Variants in STRBP observed in about 807,000 individuals in gnomAD.
The protein encoded by STRBP is spermatid perinuclear RNA binding protein, also known as spermatid perinuclear RNA-binding protein.
STRBP carries 13 observed loss-of-function variants against 80.1 expected under a neutral mutation model. The observed-to-expected ratio is 0.16, with a 90% CI of 0.11 to 0.26. STRBP has a LOEUF of 0.26. STRBP is among the 10% of genes least tolerant of loss of function. The pLI, the probability that STRBP is intolerant of heterozygous loss-of-function variation, is 1.00. For missense variants in STRBP, 485 were observed against 815.2 expected (o/e 0.59, Z 4.93); for synonymous variants, 284 against 291.2 (o/e 0.98, Z 0.25).
intron 4 of STRBP, among the ~76,000 whole-genome samples, chr9:123,177,647 A>C (rs969889772): frequency 2.6e-5 from 4 of 152,206 alleles, no homozygotes; most frequent in African/African-American, 9.7e-5. Context: ...TAAATCACAG[A>C]CCTCATCCAG....
At chr9:123,120,565 A>G (rs995967715), downstream of STRBP, among the ~76,000 whole-genome samples, 3 of 150,286 alleles carry the variant, frequency 2.0e-5, no homozygotes, top group Non-Finnish European at 4.4e-5. Context: ...ACTGCTGAAG[A>G]TTTCCCTCCA....
At chr9:123,195,897 A>G (rs1279276519) in intron 2 of STRBP, among the ~76,000 whole-genome samples, 2 of 152,230 alleles carry the variant, frequency 1.3e-5, no homozygotes, top group Admixed American at 6.5e-5. Context: ...AGCCAAAACT[A>G]TCGTGAGTAA....
intron 5 of STRBP, 56 bp from the exon 6 acceptor site, chr9:123,170,102 G>GAAA: frequency 1.4e-6 from 2 of 1,467,684 alleles, no homozygotes; most frequent in South Asian, 1.3e-5. Context: ...AACCTCAAAA[G>GAAA]AAAAAAAAAC....
chr9:123,223,787 T>C (rs571622057), intron 2 of STRBP, among the ~76,000 whole-genome samples: 1 of 152,308 alleles, frequency 6.6e-6, no homozygotes, highest in Non-Finnish European at 1.5e-5. Flanking sequence ...TTAGTATTTA[T>C]TTATATTCAT....
chr9:123,232,567 G>C (rs1276596500), intron 2 of STRBP, among the ~76,000 whole-genome samples: 1 of 152,102 alleles, frequency 6.6e-6, no homozygotes, highest in Admixed American at 6.6e-5. Context: ...GCTGAACCAG[G>C]GTGGGGCCAG....
In STRBP at chr9:123,184,314, A is replaced by G. The variant is rs2038610747; in HGVS notation, c.-164-16T>C. The stretch of plus-strand genomic sequence containing the variant: ...TGGAACACACCTGCAAGAGAAGAGG[A>G]AAACAACTTCAAAAATGCTTATTTA... On this transcript the variant is annotated splice_polypyrimidine_tract_variant and intron_variant, in intron 2 of 18. Transcript: ENST00000348403. 1 of 478,906 alleles carries G rather than the reference A, an allele frequency of 2.1e-6. No individual in the cohort carries two copies. The highest frequency in any genetic ancestry group is 3.7e-6 in the Non-Finnish European group (1 of 270,982). 29.7% of individuals were successfully genotyped at this position (478,906 alleles called of 1,614,324 possible).
At chr9:123,250,524 G>GA (rs1554772822) in intron 1 of STRBP, among the ~76,000 whole-genome samples, 13 of 151,808 alleles carry the variant, frequency 8.6e-5, no homozygotes, top group African/African-American at 3.1e-4. Context: ...AAAAAAAAAA[G>GA]TTTTTTTTGA....
intron 2 of STRBP, among the ~76,000 whole-genome samples, chr9:123,209,658 G>A (rs749158773): frequency 6.6e-6 from 1 of 152,194 alleles, no homozygotes; most frequent in Non-Finnish European, 1.5e-5. Context: ...GCTGATGAGG[G>A]AGGTTTCCAG....
At chr9:123,184,520 A>T (rs953332790) in intron 2 of STRBP, among the ~76,000 whole-genome samples, 3 of 152,236 alleles carry the variant, frequency 2.0e-5, no homozygotes, top group Admixed American at 6.5e-5. Context: ...ACAATGTGGC[A>T]GCTGGCTGAC....
At chr9:123,144,689 T>A (rs1233727379) in intron 13 of STRBP, among the ~76,000 whole-genome samples, 1 of 152,164 alleles carries the variant, frequency 6.6e-6, no homozygotes, top group African/African-American at 2.4e-5. Flanking sequence ...ACACACATTA[T>A]ACATTTATAA....
chr9:123,241,221 A>G (rs1013155748), intron 1 of STRBP, among the ~76,000 whole-genome samples: 3 of 151,768 alleles, frequency 2.0e-5, no homozygotes, highest in African/African-American at 2.4e-5. Context: ...AGGACTATCA[A>G]CTGGGCACAG....
intron 2 of STRBP, among the ~76,000 whole-genome samples, 151 bp downstream of exon 2, chr9:123,236,679 T>C (rs2040573356): frequency 6.6e-6 from 1 of 151,654 alleles, no homozygotes; most frequent in Non-Finnish European, 1.5e-5. Flanking sequence ...AAAAAGTGTG[T>C]CATACAAACT....
intron 1 of STRBP, among the ~76,000 whole-genome samples, chr9:123,242,872 G>C (rs901214607): frequency 6.6e-6 from 1 of 151,982 alleles, no homozygotes; most frequent in African/African-American, 2.4e-5. Context: ...AAATCCAATG[G>C]TAGAGACACT....
chr9:123,225,482 C>T (rs977148291), intron 2 of STRBP, among the ~76,000 whole-genome samples: 1 of 152,200 alleles, frequency 6.6e-6, no homozygotes, highest in Non-Finnish European at 1.5e-5. Flanking sequence ...CATCTGAATC[C>T]TCTTTCCTAT....
At position 123,249,272 on chromosome 9, in the gene STRBP, G is replaced by A. The variant is rs546336231; in HGVS notation, c.-301-12306C>T. ...TGTGCATCTGTAGTCCCAGCTACTC[G>A]GGAGGCTGAGGTGGGAGGATCACTT... On this transcript the variant is annotated intron_variant, in intron 1 of 18. Coordinates refer to ENST00000348403, the MANE Select transcript of STRBP (RefSeq NM_018387.5). 3.9e-5 allele frequency among the ~76,000 whole-genome samples: 6 copies of A among 152,254 alleles called. No individual in the cohort carries two copies. In the East Asian group the frequency reaches 7.7e-4, roughly 20 times the overall value.
intron 13 of STRBP, among the ~76,000 whole-genome samples, chr9:123,142,405 A>G (rs998845966): frequency 2.6e-5 from 4 of 152,134 alleles, no homozygotes; most frequent in Admixed American, 2.0e-4. Context: ...TGCTTTCTGT[A>G]CAGTCTGCAG....
In STRBP at chr9:123,173,823, A is replaced by G; in HGVS notation, c.244T>C (p.Leu82=). ...AGGCCAATCCTCATTACACCACACA[A>G]TGTCCGACCACCTTGATCCCTAAAA... ...NYSKDQGGRT[L]CGVMRIGLVA... is the part of the protein sequence containing the mutation. The change falls in exon 5 of 19, where the codon TTG becomes CTG. Residue 82 remains leucine (L), a synonymous_variant. Transcript: ENST00000348403. 1 of 1,606,662 alleles carries G rather than the reference A, an allele frequency of 6.2e-7. No individual in the cohort carries two copies. The highest frequency in any genetic ancestry group is 8.5e-7 in the Non-Finnish European group (1 of 1,177,738).
chr9:123,187,272 A>G (rs566920643), intron 2 of STRBP, among the ~76,000 whole-genome samples: 3 of 151,366 alleles, frequency 2.0e-5, no homozygotes, highest in African/African-American at 7.2e-5. Context: ...GCTATTTAAA[A>G]AAAAAAAAAA....
chr9:123,114,416 TTGC>T (rs904393232), intron 3 of STRBP: 1 of 167,072 alleles, frequency 6.0e-6, no homozygotes, highest in Non-Finnish European at 1.5e-5. Flanking sequence ...GCTCCAACCC[TTGC>T]TTAGGTTAAA....
Sources: allele counts gnomAD v4.1 joint callset (sites outside exome capture counted in the v4.1 genomes callset), GRCh38; gene constraint gnomAD v4.1.1; transcripts MANE v1.5; gene names NCBI Gene and HGNC (gene_info 2026-07-23, HGNC 2026-07-21).